The following GRIN2A variants were observed in gnomAD, a reference collection of about 807,000 sequenced individuals.
GRIN2A encodes glutamate receptor ionotropic, NMDA 2A.
GRIN2A carries 22 observed loss-of-function variants against 113.4 expected under a neutral mutation model. That is an observed-to-expected ratio of 0.19 (90% confidence interval 0.14 to 0.28). The LOEUF (loss-of-function observed/expected upper bound fraction) is 0.28. Ranked by LOEUF, GRIN2A falls within the 10% of genes least tolerant of loss-of-function variation. The pLI, the probability that GRIN2A is intolerant of heterozygous loss-of-function variation, is 1.00. For synonymous variants in GRIN2A, 827 were observed against 738.4 expected (o/e 1.12, Z -1.94); for missense variants, 1,502 against 1,887.0 (o/e 0.80, Z 3.78).
At chr16:9,827,817 T>C (rs778853750) in intron 9 of GRIN2A, among the ~76,000 whole-genome samples, 105 of 152,300 alleles carry the variant, frequency 6.9e-4, no homozygotes, top group Non-Finnish European at 1.2e-3. Context: ...AAGAGTGTCC[T>C]GAGCACCTCC....
intron 2 of GRIN2A, among the ~76,000 whole-genome samples, chr16:10,043,895 A>G (rs926075362): frequency 6.6e-6 from 1 of 151,748 alleles, no homozygotes; most frequent in Admixed American, 6.6e-5. Flanking sequence ...ACACATATAT[A>G]TATACACACA....
chr16:9,953,255 TGA>T (rs2141679045), intron 2 of GRIN2A, among the ~76,000 whole-genome samples: 1 of 151,148 alleles, frequency 6.6e-6, no homozygotes, highest in Non-Finnish European at 1.5e-5. Context: ...GATTGGGGAG[TGA>T]AAGAGGATTG....
At chr16:9,952,948 C>A (rs949211686) in intron 2 of GRIN2A, among the ~76,000 whole-genome samples, 2 of 152,124 alleles carry the variant, frequency 1.3e-5, no homozygotes, top group African/African-American at 4.8e-5. Context: ...GGAGTTAATG[C>A]TTTCTGGGGT....
At chr16:10,151,513 A>C (rs1248364879) in intron 2 of GRIN2A, among the ~76,000 whole-genome samples, 1 of 152,124 alleles carries the variant, frequency 6.6e-6, no homozygotes, top group Non-Finnish European at 1.5e-5. Context: ...TTCCCTAGGG[A>C]CTCAATTCAA....
chr16:10,047,276 C>G (rs7499723), intron 2 of GRIN2A, among the ~76,000 whole-genome samples: 1,651 of 152,270 alleles, frequency 0.011, 36 homozygotes, highest in African/African-American at 0.038. Context: ...CTAGGTCCCA[C>G]TCTCCGCTAG....
chr16:10,177,820 G>C (rs1436130433), intron 2 of GRIN2A, among the ~76,000 whole-genome samples: 1 of 152,174 alleles, frequency 6.6e-6, no homozygotes, highest in Non-Finnish European at 1.5e-5. Context: ...CTAGCAGGCA[G>C]GGTCACTGCC....
At chr16:9,807,636 C>T (rs76725852) in intron 10 of GRIN2A, among the ~76,000 whole-genome samples, 4,059 of 152,180 alleles carry the variant, frequency 0.027, 204 homozygotes, top group African/African-American at 0.093. Context: ...GTATGTAATC[C>T]AGTCTCTTCA....
chr16:9,963,553 G>A (rs1355467721), intron 2 of GRIN2A, among the ~76,000 whole-genome samples: 2 of 151,926 alleles, frequency 1.3e-5, no homozygotes, highest in Non-Finnish European at 2.9e-5. Context: ...TTTAAAAAAT[G>A]TTCTGCATCT....
At chr16:9,843,018 G>C (rs530710183) in intron 5 of GRIN2A, among the ~76,000 whole-genome samples, 1 of 149,832 alleles carries the variant, frequency 6.7e-6, no homozygotes. Context: ...AGAGAAAAAG[G>C]GGGGAGAGGG....
intron 2 of GRIN2A, among the ~76,000 whole-genome samples, chr16:10,046,895 G>A (rs1655635835): frequency 6.6e-6 from 1 of 152,182 alleles, no homozygotes; most frequent in South Asian, 2.1e-4. Context: ...CTAACTATAT[G>A]TTAAGTGCTG....
chr16:9,931,644 G>A (rs2044596250), intron 3 of GRIN2A, among the ~76,000 whole-genome samples: 1 of 152,108 alleles, frequency 6.6e-6, no homozygotes, highest in Non-Finnish European at 1.5e-5. Flanking sequence ...GTTTTGGTCT[G>A]AAAAACATCC....
In GRIN2A at chr16:9,834,176, G is replaced by C; in HGVS notation, c.1706C>G (p.Ser569Cys). The C allele has an allele frequency of 1.9e-6, 3 of 1,613,516 alleles. No homozygotes were observed. The highest frequency in any genetic ancestry group is 2.5e-6 in the Non-Finnish European group (3 of 1,179,442). Reference sequence around the variant, plus strand: ...TTCAAAGACAAAAACAGCTATGGCAGAAACAATGAGCAGCATCACAAACAT... The same window carrying C: ...TTCAAAGACAAAAACAGCTATGGCACAAACAATGAGCAGCATCACAAACAT... Reference protein sequence around the residue: ...VMMFVMLLIVSAIAVFVFEYF... With the variant: ...VMMFVMLLIVCAIAVFVFEYF... Residue 569 changes from serine to cysteine, a missense_variant, in exon 8 of 13, where the codon TCT becomes TGT. By Grantham distance (112) the Ser-to-Cys change is moderately radical. Around this residue, in one of 7 missense-constraint regions of GRIN2A, gnomAD observed 82 missense variants for 222.7 expected, o/e 0.37. Transcript: ENST00000330684.
chr16:10,082,106 C>T (rs567660539), intron 2 of GRIN2A, among the ~76,000 whole-genome samples: 25 of 152,312 alleles, frequency 1.6e-4, no homozygotes, highest in Admixed American at 1.0e-3. Context: ...AACAAGATGG[C>T]ACTCTGTCTC....
intron 2 of GRIN2A, among the ~76,000 whole-genome samples, chr16:10,091,784 T>C (rs2048189281): frequency 6.6e-6 from 1 of 152,220 alleles, no homozygotes; most frequent in South Asian, 2.1e-4. Context: ...CTATATATTG[T>C]ATGATTCCAT....
chr16:10,123,987 T>C (rs1352843128), intron 2 of GRIN2A, among the ~76,000 whole-genome samples: 1 of 152,182 alleles, frequency 6.6e-6, no homozygotes, highest in Non-Finnish European at 1.5e-5. Flanking sequence ...TGCCCTGGTG[T>C]AATCATCCCT....
chr16:10,159,037 T>A (rs1163487829), intron 2 of GRIN2A, among the ~76,000 whole-genome samples: 5 of 151,536 alleles, frequency 3.3e-5, no homozygotes, highest in Admixed American at 6.6e-5. Flanking sequence ...GGTTGTGGAG[T>A]CAGGAGACCT....
intron 2 of GRIN2A, among the ~76,000 whole-genome samples, chr16:10,155,989 A>C (rs2049685528): frequency 6.6e-6 from 1 of 152,222 alleles, no homozygotes; most frequent in Admixed American, 6.5e-5. Context: ...GGACTTCAAA[A>C]GAAGGGGCAA....
intron 3 of GRIN2A, among the ~76,000 whole-genome samples, chr16:9,924,488 A>C (rs996131504): frequency 6.6e-6 from 1 of 152,130 alleles, no homozygotes; most frequent in African/African-American, 2.4e-5. Flanking sequence ...ATATCTTTTT[A>C]GCTGATATAT....
intron 2 of GRIN2A, among the ~76,000 whole-genome samples, chr16:10,018,422 A>T (rs2141889026): frequency 6.6e-6 from 1 of 152,308 alleles, no homozygotes; most frequent in African/African-American, 2.4e-5. Context: ...TTGATGTGAC[A>T]GAAGCCCCTG....
Sources: gnomAD v4.1 joint callset for allele counts (sites outside exome capture counted in the v4.1 genomes callset) on GRCh38, gnomAD v4.1.1 for gene constraint, gnomAD v4.1.1 regional missense constraint, MANE v1.5 for transcripts, NCBI Gene and HGNC (gene_info 2026-07-23, HGNC 2026-07-21) for gene names.